DNAAF4: variants seen among roughly 807,000 people sequenced by gnomAD.
DNAAF4 encodes dynein axonemal assembly factor 4, also known as dynein assembly factor 4, axonemal.
In DNAAF4, 43 loss-of-function variants were observed where a neutral mutation model predicts 51.8. The ratio of observed to expected loss-of-function variants is 0.83; its 90% confidence interval spans 0.65 to 1.07. DNAAF4 has a LOEUF of 1.07. DNAAF4 is among the 50% of genes least tolerant of loss of function. DNAAF4 has a pLI of 0.00. For synonymous variants in DNAAF4, 194 were observed against 165.6 expected, an observed-to-expected ratio of 1.17 and a Z score of -1.32; for missense variants, 581 against 493.0, an observed-to-expected ratio of 1.18 and a Z score of -1.69.
chr15:55,431,897 G>C (rs544368859), intron 9 of DNAAF4, among the ~76,000 whole-genome samples: 1 of 151,738 alleles, frequency 6.6e-6, no homozygotes, highest in Non-Finnish European at 1.5e-5. Flanking sequence ...GATTATAGGC[G>C]TGAAGCACCA....
intron 4 of DNAAF4, among the ~76,000 whole-genome samples, chr15:55,469,240 G>A (rs1227456431): frequency 2.0e-5 from 3 of 151,458 alleles, no homozygotes; most frequent in Non-Finnish European, 4.4e-5. Flanking sequence ...AGAGGGAGGA[G>A]AATCATTTGA....
intron 5 of DNAAF4, among the ~76,000 whole-genome samples, chr15:55,459,987 C>A (rs1325867179): frequency 6.6e-6 from 1 of 151,810 alleles, no homozygotes; most frequent in Non-Finnish European, 1.5e-5. Context: ...CAGGCGTGAG[C>A]CACTGCGCCT....
downstream of DNAAF4, among the ~76,000 whole-genome samples, chr15:55,428,497 T>C (rs948474661): frequency 6.9e-4 from 93 of 134,242 alleles, no homozygotes; most frequent in Non-Finnish European, 1.1e-3. Flanking sequence ...TTTTTTTTTT[T>C]TTTTTTTTTT....
At chr15:55,493,809 T>G (rs976395545) in intron 3 of DNAAF4, among the ~76,000 whole-genome samples, 4 of 151,980 alleles carry the variant, frequency 2.6e-5, no homozygotes, top group African/African-American at 9.7e-5. Flanking sequence ...GCTCAAGTGA[T>G]CCTCCAACCT....
intron 1 of DNAAF4, among the ~76,000 whole-genome samples, chr15:55,506,713 T>C (rs2058729131): frequency 6.6e-6 from 1 of 152,086 alleles, no homozygotes; most frequent in Non-Finnish European, 1.5e-5. Context: ...TTTCAACAGG[T>C]ATATACACAA....
Position 55,502,618 on chromosome 15 carries a change from T to G in DNAAF4, c.-255-4034A>C, listed in dbSNP as rs181971037. 4.1e-3 allele frequency among the ~76,000 whole-genome samples: 626 copies of G among 152,306 alleles called. 6 individuals carry two copies. The highest frequency in any genetic ancestry group is 0.014 in the African/African-American group (582 of 41,560). ...CTTAGAAGGGTAGAAGGAGAAGATA[T>G]TTTTTCTTCCCTACGTGATGACTGG... On this transcript the variant is annotated intron_variant, in intron 1 of 9. Transcript: ENST00000321149.
chr15:55,487,889 T>C (rs1291187908), intron 4 of DNAAF4, among the ~76,000 whole-genome samples: 2 of 152,174 alleles, frequency 1.3e-5, no homozygotes, highest in Non-Finnish European at 2.9e-5. Flanking sequence ...AGAAGTATAG[T>C]CTATTTTTCC....
chr15:55,498,964 G>A (rs79157967), intron 1 of DNAAF4, among the ~76,000 whole-genome samples: 6,634 of 151,520 alleles, frequency 0.044, 223 homozygotes, highest in South Asian at 0.085. Flanking sequence ...AGCACTTCCA[G>A]CCTCATAATG....
At chr15:55,460,183 A>T (rs12912113) in intron 5 of DNAAF4, among the ~76,000 whole-genome samples, 63,754 of 144,738 alleles carry the variant, frequency 0.44, 15,521 homozygotes, top group East Asian at 0.73. Flanking sequence ...TTACTTATTT[A>T]TTTATTTTTT....
rs1555418732 is a variant in DNAAF4 at position 55,473,198 on chromosome 15, A to AATATATAT, written c.406-6045_406-6038dup. Among the ~76,000 whole-genome samples, 317 of 75,722 alleles carry AATATATAT rather than the reference A, an allele frequency of 4.2e-3. 7 individuals carry two copies. The highest frequency in any genetic ancestry group is 8.8e-3 in the Middle Eastern group (1 of 114). The allele number at this position is 75,722 out of a possible 152,430, so 49.7% of individuals were successfully genotyped here. On this transcript the variant is annotated intron_variant, in intron 4 of 9. Coordinates refer to ENST00000321149, the MANE Select transcript of DNAAF4 (RefSeq NM_130810.4). ...ACAAAAAAAAAACCTAAAAAAAAAA[A>AATATATAT]ATATATATATATATATATATATATG...
intron 7 of DNAAF4, among the ~76,000 whole-genome samples, chr15:55,437,107 G>A (rs534154464): frequency 5.3e-5 from 8 of 152,236 alleles, no homozygotes; most frequent in South Asian, 2.1e-4. Context: ...GTGAGCCACC[G>A]CACCTGGCTC....
intron 7 of DNAAF4, among the ~76,000 whole-genome samples, chr15:55,419,618 G>C (rs1445999451): frequency 2.0e-5 from 3 of 152,162 alleles, no homozygotes; most frequent in African/African-American, 7.2e-5. Context: ...GATAGATTGA[G>C]CAAATATTTT....
At chr15:55,431,114 C>A (rs1338821940) in intron 9 of DNAAF4, among the ~76,000 whole-genome samples, 1 of 151,940 alleles carries the variant, frequency 6.6e-6, no homozygotes, top group Admixed American at 6.6e-5. Context: ...GGGGTTTCAC[C>A]GTGTTAGCCA....
At chr15:55,449,342 T>C (rs2057895029) in intron 6 of DNAAF4, among the ~76,000 whole-genome samples, 1 of 151,722 alleles carries the variant, frequency 6.6e-6, no homozygotes, top group African/African-American at 2.4e-5. Flanking sequence ...AAATCAAAGA[T>C]GCATCAATTC....
At chr15:55,487,034 G>C (rs2058499580) in intron 4 of DNAAF4, among the ~76,000 whole-genome samples, 1 of 152,132 alleles carries the variant, frequency 6.6e-6, no homozygotes, top group Non-Finnish European at 1.5e-5. Context: ...TTACACTTTT[G>C]TGGAAAATCC....
intron 7 of DNAAF4, among the ~76,000 whole-genome samples, chr15:55,437,617 G>C (rs1186021663): frequency 6.6e-6 from 1 of 152,124 alleles, no homozygotes; most frequent in Non-Finnish European, 1.5e-5. Context: ...GATGGAGAGA[G>C]TACCCTGGAT....
chr15:55,460,913 C>T (rs546033288), intron 5 of DNAAF4, among the ~76,000 whole-genome samples: 16 of 151,888 alleles, frequency 1.1e-4, no homozygotes, highest in South Asian at 2.1e-4. Context: ...TACAGGCCCC[C>T]GCCACCACAC....
At chr15:55,490,681 C>T (rs899064531) in intron 4 of DNAAF4, among the ~76,000 whole-genome samples, 1 of 152,140 alleles carries the variant, frequency 6.6e-6, no homozygotes, top group Non-Finnish European at 1.5e-5. Context: ...GGGCCGGGCA[C>T]GGTGGCTCAC....
chr15:55,452,075 C>A (rs929874683), intron 5 of DNAAF4, among the ~76,000 whole-genome samples: 2 of 151,430 alleles, frequency 1.3e-5, no homozygotes, highest in African/African-American at 4.9e-5. Context: ...GGTGAAACCT[C>A]ATCTCTACTA....
Sources: gnomAD v4.1 joint callset for allele counts (sites outside exome capture counted in the v4.1 genomes callset) on GRCh38, gnomAD v4.1.1 for gene constraint, MANE v1.5 for transcripts, NCBI Gene and HGNC (gene_info 2026-07-23, HGNC 2026-07-21) for gene names.